The following FARS2 variants were observed in gnomAD, a reference collection of about 807,000 sequenced individuals.
The protein encoded by FARS2 is phenylalanine--tRNA ligase, mitochondrial.
A neutral mutation model predicts 46.4 loss-of-function variants in FARS2; 40 were observed. The ratio of observed to expected loss-of-function variants is 0.86; its 90% CI spans 0.67 to 1.12. The LOEUF is 1.12. Among genes scored for constraint, FARS2 ranks in the 50% most tolerant of loss-of-function variants. The pLI is 0.00. For missense variants in FARS2, 513 were observed against 567.9 expected (o/e 0.90, Z 0.98); for synonymous variants, 234 against 214.9 (o/e 1.09, Z -0.78).
chr6:5,255,380 A>T, the FARS2 span, among the ~76,000 whole-genome samples: 2 of 152,210 alleles, frequency 1.3e-5, no homozygotes, highest in African/African-American at 2.4e-5. Context: ...CATGAAAGAG[A>T]CTTGCACTAG....
intron 6 of FARS2, among the ~76,000 whole-genome samples, chr6:5,752,991 C>G (rs913317239): frequency 3.3e-5 from 5 of 152,202 alleles, no homozygotes; most frequent in African/African-American, 1.2e-4. Context: ...ATGACCCTCC[C>G]AGCTCTCAGT....
At chr6:5,315,745 T>TCTTCCTTC (rs1554162047) in intron 1 of FARS2, among the ~76,000 whole-genome samples, 4 of 150,208 alleles carry the variant, frequency 2.7e-5, no homozygotes, top group African/African-American at 9.9e-5. Flanking sequence ...TTTTTTCCTT[T>TCTTCCTTC]CTTTCTTTCT....
intron 4 of FARS2, among the ~76,000 whole-genome samples, chr6:5,475,120 G>T (rs954605020): frequency 6.6e-6 from 1 of 152,202 alleles, no homozygotes; most frequent in Non-Finnish European, 1.5e-5. Flanking sequence ...GGATATGATT[G>T]TTTGCAGATA....
intron 2 of FARS2, among the ~76,000 whole-genome samples, chr6:5,376,515 T>A (rs548827723): frequency 6.6e-6 from 1 of 152,282 alleles, no homozygotes; most frequent in East Asian, 1.9e-4. Flanking sequence ...GATTTGGCAT[T>A]TTTTTCTTTA....
chr6:5,415,047 G>C (rs1290844044), intron 3 of FARS2, among the ~76,000 whole-genome samples: 2 of 151,680 alleles, frequency 1.3e-5, no homozygotes, highest in Non-Finnish European at 2.9e-5. Flanking sequence ...TTGAACTCCT[G>C]ACCTCATGAT....
chr6:5,279,193 C>G (rs537158138), intron 1 of FARS2, among the ~76,000 whole-genome samples: 1 of 151,850 alleles, frequency 6.6e-6, no homozygotes, highest in African/African-American at 2.4e-5. Context: ...CTGGCTAACA[C>G]GGTGAAACCC....
At chr6:5,454,126 G>T (rs1764676627) in intron 4 of FARS2, among the ~76,000 whole-genome samples, 1 of 147,028 alleles carries the variant, frequency 6.8e-6, no homozygotes, top group Non-Finnish European at 1.5e-5. Flanking sequence ...TCCCTGGTTT[G>T]TTTGTTTTTT....
At chr6:5,612,942 G>A (rs1001828487) in intron 5 of FARS2, among the ~76,000 whole-genome samples, 1 of 152,014 alleles carries the variant, frequency 6.6e-6, no homozygotes, top group Non-Finnish European at 1.5e-5. Flanking sequence ...TATAATATAT[G>A]GTAATGTTAC....
At chr6:5,681,532 T>C (rs747947863) in intron 6 of FARS2, among the ~76,000 whole-genome samples, 1 of 152,214 alleles carries the variant, frequency 6.6e-6, no homozygotes, top group East Asian at 1.9e-4. Flanking sequence ...ATTTCATTTG[T>C]GTACAGGGGG....
At chr6:5,655,954 C>T (rs917318429) in intron 6 of FARS2, among the ~76,000 whole-genome samples, 5 of 152,196 alleles carry the variant, frequency 3.3e-5, no homozygotes, top group African/African-American at 1.2e-4. Context: ...AAATTTCTCT[C>T]AGTTCTTTAA....
chr6:5,730,856 A>G (rs1016144270), intron 6 of FARS2, among the ~76,000 whole-genome samples: 5 of 152,190 alleles, frequency 3.3e-5, no homozygotes, highest in African/African-American at 1.2e-4. Flanking sequence ...TATACGGATT[A>G]ACTCCGTTAA....
chr6:5,299,070 G>A (rs922514184), intron 1 of FARS2, among the ~76,000 whole-genome samples: 1 of 152,120 alleles, frequency 6.6e-6, no homozygotes, highest in African/African-American at 2.4e-5. Context: ...TATAGATCTA[G>A]TTTATTCTGC....
At chr6:5,390,496 G>A (rs768836499) in intron 2 of FARS2, among the ~76,000 whole-genome samples, 1 of 152,158 alleles carries the variant, frequency 6.6e-6, no homozygotes, top group Non-Finnish European at 1.5e-5. Context: ...TGTTTTCTAT[G>A]ACACATCATC....
At position 5,449,648 on chromosome 6, in the gene FARS2, T is replaced by C. The variant is rs534533915; in HGVS notation, c.904+18476T>C. On this transcript the variant is annotated intron_variant, in intron 4 of 6. Transcript: ENST00000274680. ...CTGGTAGTACAGATTGCATATCTCT[T>C]ATGTTAAATGCTTGGGACAAGAAAT... Among the ~76,000 whole-genome samples the C allele has an allele frequency of 2.6e-5, 4 of 152,316 alleles. 1 individual carries two copies. In the South Asian group the frequency reaches 8.3e-4, roughly 32 times the overall value.
At position 5,446,059 on chromosome 6, in the gene FARS2, C is replaced by T. The variant is rs542960472; in HGVS notation, c.904+14887C>T. The stretch of plus-strand genomic sequence containing the variant: ...CTAAAAGAAATACAAAAAAATTAGC[C>T]GGGCGTGGGGGCGGGCACCTGTAGT... On this transcript the variant is annotated intron_variant, in intron 4 of 6. Transcript: ENST00000274680. 9.2e-5 allele frequency among the ~76,000 whole-genome samples: 14 copies of T among 152,004 alleles called. No individual in the cohort carries two copies. In the South Asian group the frequency reaches 1.2e-3, roughly 14 times the overall value.
At chr6:5,364,181 A>T (rs1325270769) in intron 1 of FARS2, among the ~76,000 whole-genome samples, 1 of 152,116 alleles carries the variant, frequency 6.6e-6, no homozygotes, top group Non-Finnish European at 1.5e-5. Context: ...CTTACCCGTT[A>T]CACACTGGGC....
chr6:5,430,582 A>G lies in FARS2; in HGVS notation c.773-459A>G, dbSNP rs1582082036. ...AAACTTAAAAATAATATATATATTT[A>G]TATATACTTATGGAAGTAAAAGTTG... On this transcript the variant is annotated intron_variant, in intron 3 of 6. Coordinates refer to ENST00000274680, the MANE Select transcript of FARS2 (RefSeq NM_006567.5). 5.3e-5 allele frequency among the ~76,000 whole-genome samples: 8 copies of G among 151,644 alleles called. No individual in the cohort carries two copies. The South Asian group carries it at 1.7e-3, about 31-fold the overall frequency.
chr6:5,540,458 G>A (rs1207321448), intron 4 of FARS2, among the ~76,000 whole-genome samples: 3 of 152,018 alleles, frequency 2.0e-5, no homozygotes, highest in African/African-American at 7.3e-5. Flanking sequence ...ACCCTTAATT[G>A]TGAACATCGT....
rs6939380 is a variant in FARS2 at position 5,377,209 on chromosome 6, G to A, written c.612+8027G>A. 5.2e-3 allele frequency among the ~76,000 whole-genome samples: 786 copies of A among 152,296 alleles called. 8 individuals are homozygous for A. Among genetic ancestry groups the A allele is most frequent in the African/African-American group, 0.018 (751 of 41,556 alleles). On this transcript the variant is annotated intron_variant, in intron 2 of 6. Transcript: ENST00000274680. ...AATGTCAGTTGAAACATGCATGTGT[G>A]GACCAGTGCTCAGACAAGTTCTGTT...
Sources: gnomAD v4.1 joint callset for allele counts (sites outside exome capture counted in the v4.1 genomes callset) on GRCh38, gnomAD v4.1.1 for gene constraint, MANE v1.5 for transcripts, NCBI Gene and HGNC (gene_info 2026-07-23, HGNC 2026-07-21) for gene names.